Variants in SLC39A8 observed in about 807,000 individuals in gnomAD.
SLC39A8 encodes the protein solute carrier family 39 member 8, also known as metal cation symporter ZIP8.
SLC39A8 carries 15 observed loss-of-function variants against 40.4 expected under a neutral mutation model. The observed-to-expected ratio is 0.37, with a 90% CI of 0.25 to 0.57. SLC39A8 has a LOEUF of 0.57. Among genes scored for constraint, SLC39A8 ranks in the 20% least tolerant of loss-of-function variants. The pLI is 0.75. For synonymous variants in SLC39A8, 223 were observed against 221.6 expected, an observed-to-expected ratio of 1.01 and a Z score of -0.06; for missense variants, 472 against 558.8, an observed-to-expected ratio of 0.84 and a Z score of 1.57.
chr4:102,276,498 G>A (rs956738678), intron 6 of SLC39A8, among the ~76,000 whole-genome samples: 1 of 90,472 alleles, frequency 1.1e-5, no homozygotes, highest in African/African-American at 3.5e-5. Context: ...GTAATTAATA[G>A]TCTTAACAAC....
At chr4:102,253,167 G>C in exon 12 of SLC39A8, 1 of 323,836 alleles carries the variant, frequency 3.1e-6, no homozygotes, top group Non-Finnish European at 5.5e-6. Flanking sequence ...TTCGGGGCGA[G>C]CGGGGAGGGC....
chr4:102,322,380 AT>A (rs1054967603), intron 2 of SLC39A8, among the ~76,000 whole-genome samples: 2 of 152,054 alleles, frequency 1.3e-5, no homozygotes, highest in African/African-American at 4.8e-5. Flanking sequence ...ATTAAAGTTG[AT>A]TTTTTTTCAC....
intron 2 of SLC39A8, among the ~76,000 whole-genome samples, chr4:102,320,748 A>C (rs1734927131): frequency 7.4e-6 from 1 of 134,900 alleles, no homozygotes; most frequent in African/African-American, 2.7e-5. Flanking sequence ...GAGAATATAT[A>C]TATGAGAGTA....
downstream of SLC39A8, among the ~76,000 whole-genome samples, chr4:102,260,038 T>C (rs1731804534): frequency 1.3e-5 from 2 of 152,312 alleles, no homozygotes; most frequent in African/African-American, 4.8e-5. Context: ...GAAACTATAA[T>C]GACAAGTAGT....
chr4:102,268,156 GTGCT>G, intron 6 of SLC39A8, 77 bp from the exon 7 acceptor site: 1 of 1,478,240 alleles, frequency 6.8e-7, no homozygotes, highest in Non-Finnish European at 9.4e-7. Flanking sequence ...GAGATGGGTT[GTGCT>G]TGAGAAAAAC....
chr4:102,270,431 CT>C (rs1732299325), intron 6 of SLC39A8, among the ~76,000 whole-genome samples: 1 of 152,098 alleles, frequency 6.6e-6, no homozygotes, highest in Non-Finnish European at 1.5e-5. Context: ...ACAGAAACTT[CT>C]TTTTTAATTC....
chr4:102,261,310 A>G (rs916776695), downstream of SLC39A8, among the ~76,000 whole-genome samples: 3 of 152,194 alleles, frequency 2.0e-5, no homozygotes, highest in African/African-American at 4.8e-5. Context: ...TGATATGCCT[A>G]TGTTAATTGT....
Position 102,315,808 on chromosome 4 carries a change from A to T in SLC39A8, c.242T>A (p.Phe81Tyr). Residue 81 changes from phenylalanine (F) to tyrosine (Y), a missense_variant, in exon 3 of 9, where the codon TTT (phenylalanine) becomes TAT (tyrosine). Phe to Tyr is a conservative substitution (Grantham distance 22, BLOSUM62 3). This residue lies in a region of SLC39A8 where 175 missense variants were observed against 160.5 expected (regional missense o/e 1.09). Coordinates refer to ENST00000356736, the MANE Select transcript of SLC39A8 (RefSeq NM_001135146.2). ...AGCATTTGAAAAGCCATGAAGGGAAAAGATCTCTTCAGCAGTTAAACACTG... is the reference window on the plus strand; with the variant it reads ...AGCATTTGAAAAGCCATGAAGGGAATAGATCTCTTCAGCAGTTAAACACTG... Reference protein sequence around the residue: ...FNQCLTAEEIFSLHGFSNATQ... With the variant: ...FNQCLTAEEIYSLHGFSNATQ... 1 of 1,612,988 alleles carries T rather than the reference A, an allele frequency of 6.2e-7. No individual in the cohort carries two copies. Among genetic ancestry groups the T allele is most frequent in the Non-Finnish European group, 8.5e-7 (1 of 1,179,382 alleles).
intron 2 of SLC39A8, among the ~76,000 whole-genome samples, chr4:102,316,692 T>C (rs7687499): frequency 0.014 from 2,133 of 152,268 alleles, 54 homozygotes; most frequent in African/African-American, 0.049. Flanking sequence ...TTTAGGCAAG[T>C]TATTTGCATG....
intron 6 of SLC39A8, among the ~76,000 whole-genome samples, chr4:102,273,740 C>G (rs1732480582): frequency 6.6e-6 from 1 of 152,154 alleles, no homozygotes; most frequent in Admixed American, 6.5e-5. Context: ...ACGAAGCTTC[C>G]AGAGGAAGGA....
At chr4:102,297,622 A>G (rs2149028630) in intron 6 of SLC39A8, among the ~76,000 whole-genome samples, 1 of 152,188 alleles carries the variant, frequency 6.6e-6, no homozygotes, top group East Asian at 1.9e-4. Context: ...TTCAGGAAAG[A>G]TAAATGAAAA....
intron 6 of SLC39A8, among the ~76,000 whole-genome samples, chr4:102,300,966 T>C (rs1733900065): frequency 6.6e-6 from 1 of 152,016 alleles, no homozygotes; most frequent in South Asian, 2.1e-4. Context: ...TGTTTAAATG[T>C]CTATTTATTT....
chr4:102,295,759 G>A (rs1379314067), intron 6 of SLC39A8, among the ~76,000 whole-genome samples: 1 of 152,040 alleles, frequency 6.6e-6, no homozygotes, highest in Non-Finnish European at 1.5e-5. Flanking sequence ...GCCTCCACAA[G>A]AATGGAATAT....
chr4:102,289,237 T>A (rs1733315637), intron 6 of SLC39A8, among the ~76,000 whole-genome samples: 1 of 152,156 alleles, frequency 6.6e-6, no homozygotes, highest in African/African-American at 2.4e-5. Context: ...AACACATCTG[T>A]TTACAGCATG....
intron 8 of SLC39A8, among the ~76,000 whole-genome samples, chr4:102,266,401 A>G (rs1732097266): frequency 6.6e-6 from 1 of 152,222 alleles, no homozygotes; most frequent in South Asian, 2.1e-4. Flanking sequence ...TCTGCAGAGA[A>G]CAACGAACAG....
chr4:102,304,952 G>T (rs773381537), intron 5 of SLC39A8, 37 bp downstream of exon 5: 4 of 1,552,350 alleles, frequency 2.6e-6, no homozygotes, highest in African/African-American at 1.4e-5. Flanking sequence ...AGCTTTAGGG[G>T]GTAAAATATT....
At chr4:102,303,166 T>C (rs1219667400) in intron 6 of SLC39A8, among the ~76,000 whole-genome samples, 4 of 151,978 alleles carry the variant, frequency 2.6e-5, no homozygotes, top group East Asian at 1.9e-4. Context: ...TTTAACTATA[T>C]AGCTTGTGGA....
At chr4:102,260,807 C>T (rs562549603), downstream of SLC39A8, among the ~76,000 whole-genome samples, 1 of 152,326 alleles carries the variant, frequency 6.6e-6, no homozygotes, top group East Asian at 1.9e-4. Flanking sequence ...ATAACTACCT[C>T]CACAATGCTA....
intron 6 of SLC39A8, among the ~76,000 whole-genome samples, chr4:102,303,688 G>A (rs1193121366): frequency 2.0e-5 from 3 of 151,600 alleles, no homozygotes; most frequent in African/African-American, 7.3e-5. Flanking sequence ...GTTGTCCTTT[G>A]TGCATATATA....
Sources: gnomAD v4.1 joint callset for allele counts (sites outside exome capture counted in the v4.1 genomes callset) on GRCh38, gnomAD v4.1.1 for gene constraint, gnomAD v4.1.1 regional missense constraint, MANE v1.5 for transcripts, NCBI Gene and HGNC (gene_info 2026-07-23, HGNC 2026-07-21) for gene names.